IL31RA: variants seen among roughly 807,000 people sequenced by gnomAD.
The protein encoded by IL31RA is interleukin 31 receptor A, also known as interleukin-31 receptor subunit alpha.
A neutral mutation model predicts 83.7 loss-of-function variants in IL31RA; 66 were observed. The observed-to-expected ratio is 0.79, with a 90% CI of 0.65 to 0.97. IL31RA has a LOEUF of 0.97. IL31RA is among the 50% of genes least tolerant of loss of function. The pLI is 0.00. For missense variants in IL31RA, 798 were observed against 919.4 expected (o/e 0.87, Z 1.71); for synonymous variants, 325 against 329.0 (o/e 0.99, Z 0.13).
chr5:55,847,893 A>C (rs1305638250), upstream of IL31RA, among the ~76,000 whole-genome samples: 1 of 152,178 alleles, frequency 6.6e-6, no homozygotes, highest in African/African-American at 2.4e-5. Flanking sequence ...ATGGTTTTGA[A>C]GAGTGTTGAC....
rs566927695 is a variant in IL31RA at position 55,857,923 on chromosome 5, GAGGGCCAGGACCAC to G, written c.64-1584_64-1571del. 3.4e-4 allele frequency among the ~76,000 whole-genome samples: 52 copies of G among 152,306 alleles called. No individual in the cohort carries two copies. In the South Asian group the frequency reaches 0.011, roughly 31 times the overall value. On this transcript the variant is annotated intron_variant, in intron 1 of 14. Coordinates refer to ENST00000652347, the MANE Select transcript of IL31RA (RefSeq NM_139017.7). ...CCTGAGGTCACCAGTTTGTTTGTGA[GAGGGCCAGGACCAC>G]AACTCAGGCAGTCTCAATTTCTAGA...
At chr5:55,848,421 G>C (rs1744984865), upstream of IL31RA, among the ~76,000 whole-genome samples, 1 of 152,098 alleles carries the variant, frequency 6.6e-6, no homozygotes, top group African/African-American at 2.4e-5. Flanking sequence ...AGTTCTTTCA[G>C]ATTGGTTCCT....
intron 6 of IL31RA, among the ~76,000 whole-genome samples, chr5:55,894,236 C>T (rs895431722): frequency 6.6e-5 from 10 of 152,066 alleles, no homozygotes; most frequent in African/African-American, 2.2e-4. Flanking sequence ...TCTAATCCTG[C>T]GGGTTTCCTT....
intron 2 of IL31RA, among the ~76,000 whole-genome samples, chr5:55,867,181 A>ATGTGTTTG (rs1746160600): frequency 2.2e-5 from 1 of 45,812 alleles, no homozygotes; most frequent in East Asian, 3.3e-4. Flanking sequence ...GTGTGTGTGC[A>ATGTGTTTG]TGTGTGTTTG....
chr5:55,903,064 C>T lies in IL31RA; in HGVS notation c.1069+2932C>T, dbSNP rs964664089. On this transcript the variant is annotated intron_variant, in intron 8 of 14. Transcript: ENST00000652347. This position sits in a 1 kb window ranked among gnomAD's most constrained non-coding sequence, Gnocchi z 4.7. ...ACACTGAACTGGTTATTGACCTGTG[C>T]GGGCCTCCACGTTCCCCTCTTGGAA... is the stretch of plus-strand genomic sequence containing the variant. Among the ~76,000 whole-genome samples the T allele has an allele frequency of 2.0e-5, 3 of 152,162 alleles. No homozygotes were observed. Among genetic ancestry groups the T allele is most frequent in the Admixed American group, 6.5e-5 (1 of 15,270 alleles).
chr5:55,917,593 TC>T lies in IL31RA; in HGVS notation c.*477del, dbSNP rs879894870. On this transcript the variant is annotated 3_prime_UTR_variant, in exon 15 of 15. Coordinates refer to ENST00000652347, the MANE Select transcript of IL31RA (RefSeq NM_139017.7). ...CTGGTGGGAGCCTGGGCTCTGGTCT[TC>T]CCCTACAAGGTAGCCCTGAAGCCTT... Among the ~76,000 whole-genome samples, 1 of 152,082 alleles carries T rather than the reference TC, an allele frequency of 6.6e-6. No individual in the cohort carries two copies. Among genetic ancestry groups the T allele is most frequent in the Admixed American group, 6.5e-5 (1 of 15,270 alleles).
In IL31RA at chr5:55,922,717, C is replaced by T; in HGVS notation, c.*5597C>T. ...CTTTCATACAAAAAAGCCATAATAC[C>T]ATTTTCATGTAATGCTATACTTCTA... On this transcript the variant is annotated 3_prime_UTR_variant, in exon 15 of 15. Coordinates refer to ENST00000652347, the MANE Select transcript of IL31RA (RefSeq NM_139017.7). 2.3e-6 allele frequency: 1 copy of T among 444,008 alleles called. No homozygotes were observed. Among genetic ancestry groups the T allele is most frequent in the Non-Finnish European group, 4.0e-6 (1 of 250,954 alleles). The allele number at this position is 444,008 out of a possible 1,614,324, so 27.5% of individuals were successfully genotyped here.
rs1745654135 is a variant in IL31RA at position 55,861,130 on chromosome 5, G to T, written c.154+1531G>T. Among the ~76,000 whole-genome samples, 3 of 152,156 alleles carry T rather than the reference G, an allele frequency of 2.0e-5. No homozygotes were observed. The South Asian group carries it at 6.2e-4, about 31-fold the overall frequency. On this transcript the variant is annotated intron_variant, in intron 2 of 14. Coordinates refer to ENST00000652347, the MANE Select transcript of IL31RA (RefSeq NM_139017.7). ...GTTAGGACTTCATTATGTGAATTTTGGAGAGACATAATTTAGCCTATAACA... is the reference window on the plus strand; with the variant it reads ...GTTAGGACTTCATTATGTGAATTTTTGAGAGACATAATTTAGCCTATAACA...
intron 2 of IL31RA, among the ~76,000 whole-genome samples, chr5:55,860,080 T>C (rs1416697040): frequency 1.3e-5 from 2 of 152,118 alleles, no homozygotes; most frequent in Non-Finnish European, 2.9e-5. Flanking sequence ...TAATAAAAGT[T>C]AGGTGAGGTC....
chr5:55,914,673 C>G (rs1276780828), intron 13 of IL31RA, among the ~76,000 whole-genome samples, 174 bp from the exon 14 acceptor site: 1 of 152,064 alleles, frequency 6.6e-6, no homozygotes, highest in Non-Finnish European at 1.5e-5. Flanking sequence ...ATGTCACCCC[C>G]CAACACACAC....
intron 8 of IL31RA, 60 bp from the exon 9 acceptor site, chr5:55,906,044 TGG>T: frequency 6.6e-7 from 1 of 1,517,516 alleles, no homozygotes; most frequent in Non-Finnish European, 9.2e-7. Flanking sequence ...GATGCCAGTG[TGG>T]TTGTTGCATT....
At chr5:55,881,256 C>A (rs909703276) in intron 4 of IL31RA, among the ~76,000 whole-genome samples, 1 of 150,728 alleles carries the variant, frequency 6.6e-6, no homozygotes, top group African/African-American at 2.4e-5. Context: ...GAGCCGAGAT[C>A]GCGCCACTGC....
upstream of IL31RA, among the ~76,000 whole-genome samples, chr5:55,850,914 A>C (rs1745037654): frequency 6.6e-6 from 1 of 152,116 alleles, no homozygotes; most frequent in African/African-American, 2.4e-5. Flanking sequence ...AACATGGAGA[A>C]ACCCCGTCTC....
At chr5:55,843,941 G>A in the IL31RA span, among the ~76,000 whole-genome samples, 3 of 152,036 alleles carry the variant, frequency 2.0e-5, no homozygotes, top group African/African-American at 7.2e-5. Flanking sequence ...CTTTATTGAA[G>A]TGTTTGGTAT....
At chr5:55,853,588 A>T in intron 1 of IL31RA, 1 of 1,549,084 alleles carries the variant, frequency 6.5e-7, no homozygotes, top group South Asian at 1.2e-5. Flanking sequence ...ATTCATTTAG[A>T]AGAGTGATAG....
In IL31RA at chr5:55,922,064, G is replaced by GGT. The variant is rs1373130249; in HGVS notation, c.*4945_*4946insTG. On this transcript the variant is annotated 3_prime_UTR_variant, in exon 15 of 15. Coordinates refer to ENST00000652347, the MANE Select transcript of IL31RA (RefSeq NM_139017.7). Reference sequence around the variant, plus strand: ...ACTCTTATGTTGTGGCGGGGGGGGGGGGCGGTTCCTGAAGAGTGGAGTGTG... The same window carrying GGT: ...ACTCTTATGTTGTGGCGGGGGGGGGGGTGGCGGTTCCTGAAGAGTGGAGTGTG... 6.8e-6 allele frequency among the ~76,000 whole-genome samples: 1 copy of GGT among 146,272 alleles called. No homozygotes were observed. Among genetic ancestry groups the GGT allele is most frequent in the Non-Finnish European group, 1.5e-5 (1 of 66,210 alleles).
At chr5:55,913,698 C>A (rs555330664) in intron 13 of IL31RA, 128 bp downstream of exon 13, 15 of 729,546 alleles carry the variant, frequency 2.1e-5, no homozygotes, top group South Asian at 1.7e-4. Flanking sequence ...TAACTTGGTG[C>A]GTATTTATTG....
At position 55,916,731 on chromosome 5, in the gene IL31RA, G is replaced by T; in HGVS notation, c.1906G>T (p.Val636Leu). The change falls in exon 15 of 15, where the codon GTG becomes TTG. Residue 636 changes from valine to leucine, a missense_variant. Transcript: ENST00000652347. ...KPCSTPSDKL[V>L]IDKLVVNFGN... ...ATGTTCCACCCCCAGTGACAAGTTG[G>T]TGATTGACAAGTTGGTGGTGAACTT... is the stretch of plus-strand genomic sequence containing the variant. The T allele has an allele frequency of 6.2e-7, 1 of 1,614,188 alleles. No individual in the cohort carries two copies. The highest frequency in any genetic ancestry group is 8.5e-7 in the Non-Finnish European group (1 of 1,180,016).
chr5:55,893,879 T>C lies in IL31RA; in HGVS notation c.773-2471T>C, dbSNP rs146087104. ...CAGACTGAAATGTAGTGGTGAGATC[T>C]CAGCTCACTGCAGCCTCCGCCTCCC... On this transcript the variant is annotated intron_variant, in intron 6 of 14. Coordinates refer to ENST00000652347, the MANE Select transcript of IL31RA (RefSeq NM_139017.7). Among the ~76,000 whole-genome samples the C allele has an allele frequency of 1.4e-3, 203 of 149,912 alleles. 1 individual carries two copies. The Middle Eastern group carries it at 0.017, about 13-fold the overall frequency.
Sources: allele counts gnomAD v4.1 joint callset (sites outside exome capture counted in the v4.1 genomes callset), GRCh38; gene constraint gnomAD v4.1.1; non-coding constraint Gnocchi (gnomAD v3.1); transcripts MANE v1.5; gene names NCBI Gene and HGNC (gene_info 2026-07-23, HGNC 2026-07-21).